Variants in STK4 observed in about 807,000 individuals in gnomAD.
STK4 encodes serine/threonine-protein kinase 4.
A neutral mutation model predicts 64.9 loss-of-function variants in STK4; 30 were observed. The observed-to-expected ratio is 0.46, with a 90% CI of 0.35 to 0.63. The LOEUF is 0.63. Ranked by LOEUF, STK4 falls within the 20% of genes least tolerant of loss-of-function variation. STK4 has a pLI of 0.01. For synonymous variants in STK4, 177 were observed against 199.0 expected (o/e 0.89, Z 0.93); for missense variants, 466 against 598.5 (o/e 0.78, Z 2.31).
Position 44,976,740 on chromosome 20 carries a change from G to C in STK4, c.117-1703G>C, listed in dbSNP as rs556225311. ...CAACAAACAGTGGCTAACCAATAAA[G>C]ACATTAAGAACTAAATAATACATCT... On this transcript the variant is annotated intron_variant, in intron 2 of 10. Coordinates refer to ENST00000372806, the MANE Select transcript of STK4 (RefSeq NM_006282.5). Among the ~76,000 whole-genome samples, 11 of 152,282 alleles carry C rather than the reference G, an allele frequency of 7.2e-5. No homozygotes were observed. In the South Asian group the frequency reaches 1.9e-3, roughly 26 times the overall value.
chr20:45,048,471 T>C (rs1383483981), intron 10 of STK4, among the ~76,000 whole-genome samples: 2 of 151,988 alleles, frequency 1.3e-5, no homozygotes, highest in Admixed American at 1.3e-4. Context: ...TTCACACTTT[T>C]GTTGCAGGCC....
chr20:44,977,467 A>G (rs1323620164), intron 2 of STK4, among the ~76,000 whole-genome samples: 1 of 152,172 alleles, frequency 6.6e-6, no homozygotes, highest in Non-Finnish European at 1.5e-5. Context: ...TTTCACTGAC[A>G]GCTGCCCAGG....
rs1327433472 is a variant in STK4 at position 45,076,817 on chromosome 20, T to C, written c.*1641T>C. 6.6e-6 allele frequency: 1 copy of C among 152,234 alleles called. No individual in the cohort carries two copies. Among genetic ancestry groups the C allele is most frequent in the African/African-American group, 2.4e-5 (1 of 41,456 alleles). The allele number at this position is 152,234 out of a possible 1,614,324, so 9.4% of individuals were successfully genotyped here. ...TGGGAATCAATGGAAAGGCAGGGAA[T>C]GTGCCTCTTCTGTGGCCAGATTCTG... On this transcript the variant is annotated 3_prime_UTR_variant, in exon 11 of 11. Coordinates refer to ENST00000372806, the MANE Select transcript of STK4 (RefSeq NM_006282.5). This position sits in a 1 kb window ranked among gnomAD's most constrained non-coding sequence, Gnocchi z 4.0.
At chr20:44,966,854 A>C (rs1305824357) in intron 1 of STK4, among the ~76,000 whole-genome samples, 2 of 152,026 alleles carry the variant, frequency 1.3e-5, no homozygotes, top group Non-Finnish European at 2.9e-5. Context: ...GAACGTGGGG[A>C]CAAGTTAGGG....
intron 9 of STK4, among the ~76,000 whole-genome samples, chr20:45,009,289 G>C (rs767971566): frequency 1.3e-5 from 2 of 152,132 alleles, no homozygotes; most frequent in African/African-American, 4.8e-5. Context: ...TTATTAAATA[G>C]GGTGTCCTTT....
chr20:45,066,802 A>G (rs6073621), intron 10 of STK4, among the ~76,000 whole-genome samples: 38,296 of 152,180 alleles, frequency 0.25, 5,563 homozygotes, highest in Middle Eastern at 0.43. Context: ...ATAATTTGGC[A>G]TGACCATAAT....
At chr20:44,985,095 A>T (rs1340491936) in intron 4 of STK4, among the ~76,000 whole-genome samples, 3 of 152,182 alleles carry the variant, frequency 2.0e-5, no homozygotes, top group Admixed American at 6.5e-5. Flanking sequence ...GTTCTCTTCC[A>T]CTATAGAAGG....
chr20:44,971,488 C>T (rs1002367986), intron 1 of STK4, among the ~76,000 whole-genome samples: 3 of 152,068 alleles, frequency 2.0e-5, no homozygotes, highest in Non-Finnish European at 2.9e-5. Context: ...AAAGGTTTCC[C>T]GTGTCTTCCT....
intron 5 of STK4, among the ~76,000 whole-genome samples, chr20:44,990,515 T>C (rs1412985637): frequency 6.6e-6 from 1 of 152,218 alleles, no homozygotes. Flanking sequence ...ACTTGGCTGT[T>C]TGGTTGTGAA....
At position 44,981,932 on chromosome 20, in the gene STK4, C is replaced by T. The variant is rs387907316; in HGVS notation, c.349C>T (p.Arg117Ter). 8.1e-6 allele frequency: 13 copies of T among 1,610,402 alleles called. No homozygotes were observed. The highest frequency in any genetic ancestry group is 9.3e-6 in the Non-Finnish European group (11 of 1,176,922). Residue 117 changes from arginine to a stop codon, truncating the protein, a stop_gained, in exon 4 of 11, where the codon CGA (arginine) becomes TGA (stop). Transcript: ENST00000372806. LOFTEE classifies it high-confidence loss of function. ...AGSVSDIIRLRNKTLTEDEIA... is the reference protein window; with the variant it reads ...AGSVSDIIRL ...TTCTGTATCTGATATCATTCGATTA[C>T]GAAATAAAACGGTAGGTTTACCTTC... is the stretch of plus-strand genomic sequence containing the variant.
At chr20:44,997,427 C>T (rs1469963972) in intron 7 of STK4, 121 bp downstream of exon 7, 2 of 1,281,372 alleles carry the variant, frequency 1.6e-6, no homozygotes, top group South Asian at 1.6e-5. Flanking sequence ...TGCAGTGGCT[C>T]ACGCCTGTAA....
chr20:44,974,846 G>A (rs1272751300), intron 2 of STK4: 2 of 152,154 alleles, frequency 1.3e-5, no homozygotes, highest in Non-Finnish European at 2.9e-5. Context: ...AATGAGCTAT[G>A]GCTAAAAAAA....
intron 10 of STK4, among the ~76,000 whole-genome samples, chr20:45,072,400 C>T (rs1196424060): frequency 1.3e-5 from 2 of 152,112 alleles, no homozygotes; most frequent in East Asian, 1.9e-4. Context: ...GCAAGTCTAC[C>T]CTCCTAATTC....
intron 10 of STK4, among the ~76,000 whole-genome samples, chr20:45,051,132 G>A (rs763619500): frequency 2.6e-5 from 4 of 152,138 alleles, no homozygotes; most frequent in Non-Finnish European, 4.4e-5. Context: ...ACAGAACACC[G>A]TATTGGTTTT....
chr20:45,051,958 G>A (rs2068783413), intron 10 of STK4, among the ~76,000 whole-genome samples: 1 of 152,138 alleles, frequency 6.6e-6, no homozygotes, highest in African/African-American at 2.4e-5. Flanking sequence ...GCTGTCGTGA[G>A]TATCAAATGA....
chr20:45,072,611 T>C (rs922447991), intron 10 of STK4, among the ~76,000 whole-genome samples: 1 of 152,222 alleles, frequency 6.6e-6, no homozygotes, highest in Non-Finnish European at 1.5e-5. Flanking sequence ...ACCTGACCCA[T>C]AGTAGGTGTT....
At chr20:44,999,338 AT>A (rs1429949919) in intron 7 of STK4, among the ~76,000 whole-genome samples, 1 of 152,160 alleles carries the variant, frequency 6.6e-6, no homozygotes, top group African/African-American at 2.4e-5. Flanking sequence ...TAGTGACAAA[AT>A]GTTACGGAAA....
chr20:45,031,904 CAAAAAA>C (rs11431524), intron 10 of STK4, among the ~76,000 whole-genome samples: 8 of 75,658 alleles, frequency 1.1e-4, no homozygotes, highest in Admixed American at 1.6e-4. Context: ...GACTTCATCT[CAAAAAA>C]AAAAAAAAAA....
chr20:45,034,956 T>C (rs1209557462), intron 10 of STK4, among the ~76,000 whole-genome samples: 1 of 151,552 alleles, frequency 6.6e-6, no homozygotes, highest in Non-Finnish European at 1.5e-5. Flanking sequence ...TGTTAAAGAG[T>C]AGGATTAAGA....
Sources: gnomAD v4.1 joint callset for allele counts (sites outside exome capture counted in the v4.1 genomes callset) on GRCh38, gnomAD v4.1.1 for gene constraint, Gnocchi (gnomAD v3.1) non-coding constraint, MANE v1.5 for transcripts, NCBI Gene and HGNC (gene_info 2026-07-23, HGNC 2026-07-21) for gene names.